The following CRYBG1 variants were observed in gnomAD, a reference collection of about 807,000 sequenced individuals.
CRYBG1 encodes the protein crystallin beta-gamma domain containing 1, also known as beta/gamma crystallin domain-containing protein 1.
CRYBG1 carries 139 observed loss-of-function variants against 189.2 expected under a neutral mutation model. The ratio of observed to expected loss-of-function variants is 0.73; its 90% CI spans 0.64 to 0.85. The LOEUF is 0.85. CRYBG1 is among the 40% of genes least tolerant of loss of function. The probability of loss-of-function intolerance (pLI) is 0.00; values close to 1 mark genes in which losing one functional copy is unlikely to be tolerated. For missense variants in CRYBG1, 2,611 were observed against 2,675.8 expected (o/e 0.98, Z 0.53); for synonymous variants, 1,023 against 1,017.1 (o/e 1.01, Z -0.11).
chr6:106,442,774 C>T (rs1257655390), intron 1 of CRYBG1, among the ~76,000 whole-genome samples: 1 of 152,004 alleles, frequency 6.6e-6, no homozygotes, highest in African/African-American at 2.4e-5. Flanking sequence ...ACCCAGGAGC[C>T]CCTTAAAGAG....
intron 1 of CRYBG1, among the ~76,000 whole-genome samples, chr6:106,448,442 A>G (rs1350840491): frequency 6.6e-6 from 1 of 152,186 alleles, no homozygotes; most frequent in Non-Finnish European, 1.5e-5. Flanking sequence ...CCCCAGGGCC[A>G]TGTGTACCCT....
intron 1 of CRYBG1, among the ~76,000 whole-genome samples, chr6:106,421,200 A>G (rs542028686): frequency 2.3e-4 from 35 of 152,318 alleles, no homozygotes; most frequent in South Asian, 1.7e-3. Context: ...TCAGGGTATA[A>G]GATCCTGGAT....
At chr6:106,566,857 G>A (rs188938711) in intron 21 of CRYBG1, among the ~76,000 whole-genome samples, 55 of 152,162 alleles carry the variant, frequency 3.6e-4, no homozygotes, top group African/African-American at 1.3e-3. Flanking sequence ...ATTGCCCTAA[G>A]AATTATTAGA....
At position 106,447,547 on chromosome 6, in the gene CRYBG1, A is replaced by AATATAT. The variant is rs59943398; in HGVS notation, c.174-4126_174-4121dup. 6.7e-3 allele frequency among the ~76,000 whole-genome samples: 948 copies of AATATAT among 141,052 alleles called. 6 individuals carry two copies. The highest frequency in any genetic ancestry group is 7.8e-3 in the Non-Finnish European group (517 of 66,048). 92.5% of individuals were successfully genotyped at this position (141,052 alleles called of 152,430 possible). On this transcript the variant is annotated intron_variant, in intron 1 of 21. Coordinates refer to ENST00000633556, the MANE Select transcript of CRYBG1 (RefSeq NM_001371242.2). ...ATGCTTGTACCTCATGTACCTCATA[A>AATATAT]ATATATATATATATATATATATATA...
chr6:106,433,766 T>C (rs1771395035), intron 1 of CRYBG1, among the ~76,000 whole-genome samples: 1 of 71,934 alleles, frequency 1.4e-5, no homozygotes. Context: ...TGTGTATATA[T>C]ATATATGTAT....
chr6:106,463,652 T>C (rs1772059270), intron 2 of CRYBG1, among the ~76,000 whole-genome samples: 1 of 152,238 alleles, frequency 6.6e-6, no homozygotes, highest in South Asian at 2.1e-4. Context: ...ATAAAACATT[T>C]GATGTTGGCA....
chr6:106,535,240 A>C (rs1405083998), intron 8 of CRYBG1, among the ~76,000 whole-genome samples: 1 of 152,146 alleles, frequency 6.6e-6, no homozygotes, highest in Non-Finnish European at 1.5e-5. Flanking sequence ...TGATGGGTAC[A>C]TCTCTATGTA....
chr6:106,554,798 G>T (rs1774494822), intron 16 of CRYBG1, among the ~76,000 whole-genome samples: 1 of 152,056 alleles, frequency 6.6e-6, no homozygotes, highest in African/African-American at 2.4e-5. Flanking sequence ...CAGGGACTTT[G>T]GTTCTCTGCT....
chr6:106,398,359 G>A (rs534297071), intron 1 of CRYBG1, among the ~76,000 whole-genome samples: 108 of 152,202 alleles, frequency 7.1e-4, no homozygotes, highest in African/African-American at 2.5e-3. Context: ...TGGGAAGATC[G>A]CTTCAGCCTG....
chr6:106,468,698 A>T (rs1454638999), intron 2 of CRYBG1, among the ~76,000 whole-genome samples: 1 of 152,226 alleles, frequency 6.6e-6, no homozygotes, highest in Non-Finnish European at 1.5e-5. Flanking sequence ...TCAAAAAATC[A>T]TAATAAAATT....
intron 2 of CRYBG1, among the ~76,000 whole-genome samples, chr6:106,479,822 C>A (rs1314592895): frequency 6.6e-6 from 1 of 152,176 alleles, no homozygotes. Flanking sequence ...AGACCCCTAT[C>A]AGATATATGA....
intron 2 of CRYBG1, among the ~76,000 whole-genome samples, chr6:106,508,316 T>A (rs1174241546): frequency 6.6e-6 from 1 of 152,210 alleles, no homozygotes; most frequent in Non-Finnish European, 1.5e-5. Context: ...GAAAACTCTG[T>A]TTTAAAGAGA....
intron 7 of CRYBG1, 37 bp downstream of exon 7, chr6:106,527,507 T>C: frequency 6.3e-7 from 1 of 1,576,234 alleles, no homozygotes; most frequent in Non-Finnish European, 8.6e-7. Flanking sequence ...TTTATTCAGC[T>C]AATATTTATG....
intron 8 of CRYBG1, among the ~76,000 whole-genome samples, chr6:106,537,489 T>G (rs923145461): frequency 6.6e-6 from 1 of 152,190 alleles, no homozygotes; most frequent in Non-Finnish European, 1.5e-5. Context: ...CATAAGGAAG[T>G]GTAAAGTACC....
chr6:106,440,946 T>C (rs1771555773), intron 1 of CRYBG1, among the ~76,000 whole-genome samples: 1 of 152,250 alleles, frequency 6.6e-6, no homozygotes, highest in African/African-American at 2.4e-5. Context: ...AATTCTGTGA[T>C]TTATAACGAT....
chr6:106,459,315 G>A (rs368652610), intron 2 of CRYBG1, among the ~76,000 whole-genome samples: 1 of 152,020 alleles, frequency 6.6e-6, no homozygotes, highest in Non-Finnish European at 1.5e-5. Flanking sequence ...AAATTAGAAG[G>A]CTTTATCTGT....
At chr6:106,411,816 C>T (rs1211945689) in intron 1 of CRYBG1, among the ~76,000 whole-genome samples, 1 of 152,132 alleles carries the variant, frequency 6.6e-6, no homozygotes, top group African/African-American at 2.4e-5. Context: ...GATTCAAGTC[C>T]CAGAGTACAA....
In CRYBG1 at chr6:106,521,044, C is replaced by T; in HGVS notation, c.3836C>T (p.Ser1279Phe). The T allele has an allele frequency of 6.2e-7, 1 of 1,614,208 alleles. No homozygotes were observed. The highest frequency in any genetic ancestry group is 8.5e-7 in the Non-Finnish European group (1 of 1,180,032). ...AFSTSQNGSL[S>F]QSSVSQPTTE... ...AGTACTTCTCAGAACGGTTCCCTATCTCAGTCTTCAGTGTCACAGCCCACG... is the reference window on the plus strand; with the variant it reads ...AGTACTTCTCAGAACGGTTCCCTATTTCAGTCTTCAGTGTCACAGCCCACG... Residue 1279 changes from serine (S) to phenylalanine (F), a missense_variant, in exon 4 of 22, where the codon TCT (serine) becomes TTT (phenylalanine). Ser to Phe is a radical substitution (Grantham distance 155, BLOSUM62 -2). Transcript: ENST00000633556.
intron 2 of CRYBG1, among the ~76,000 whole-genome samples, chr6:106,498,974 C>G (rs1368214323): frequency 1.3e-5 from 2 of 151,676 alleles, no homozygotes; most frequent in Non-Finnish European, 2.9e-5. Context: ...GTGTAATGCC[C>G]TGGGGAAAAA....
Sources: gnomAD v4.1 joint callset for allele counts (sites outside exome capture counted in the v4.1 genomes callset) on GRCh38, gnomAD v4.1.1 for gene constraint, MANE v1.5 for transcripts, NCBI Gene and HGNC (gene_info 2026-07-23, HGNC 2026-07-21) for gene names.